PSAP: variants seen among roughly 807,000 people sequenced by gnomAD.
PSAP encodes the protein precursor of saposins.
Under a neutral mutation model 66.0 loss-of-function variants are expected in PSAP, and 25 were observed. That is an observed-to-expected ratio of 0.38 (90% confidence interval 0.28 to 0.53). PSAP has a LOEUF of 0.53. Ranked by LOEUF, PSAP falls within the 20% of genes least tolerant of loss-of-function variation. PSAP has a pLI of 0.83. For missense variants in PSAP, 649 were observed against 668.8 expected (o/e 0.97, Z 0.33); for synonymous variants, 273 against 258.9 (o/e 1.05, Z -0.52).
Position 71,851,032 on chromosome 10 carries a change from A to AGAAAGCCAGC in PSAP, c.40+140_40+149dup, listed in dbSNP as rs1223813468. ...CCCCCAGCCGCCCAGAGAAAGCCAGAGAAAGCCAGCGAACGCGCCTGCGCA... is the reference window on the plus strand; with the variant it reads ...CCCCCAGCCGCCCAGAGAAAGCCAGAGAAAGCCAGCGAAAGCCAGCGAACGCGCCTGCGCA... On this transcript the variant is annotated intron_variant, in intron 1 of 13. Coordinates refer to ENST00000394936, the MANE Select transcript of PSAP (RefSeq NM_002778.4). 23 of 916,936 alleles carry AGAAAGCCAGC rather than the reference A, an allele frequency of 2.5e-5. No homozygotes were observed. In the East Asian group the frequency reaches 5.3e-4, roughly 21 times the overall value. The allele number at this position is 916,936 out of a possible 1,614,324, so 56.8% of individuals were successfully genotyped here.
intron 1 of PSAP, among the ~76,000 whole-genome samples, chr10:71,836,257 T>G (rs1000894483): frequency 6.6e-6 from 1 of 151,998 alleles, no homozygotes; most frequent in Non-Finnish European, 1.5e-5. Context: ...CAGATGCAAA[T>G]CAGTACCAAG....
Position 71,819,748 on chromosome 10 carries a change from G to A in PSAP, c.1158C>T (p.His386=), listed in dbSNP as rs2133031525. The A allele has an allele frequency of 6.2e-7, 1 of 1,614,122 alleles. No individual in the cohort carries two copies. Among genetic ancestry groups the A allele is most frequent in the South Asian group, 1.1e-5 (1 of 91,090 alleles). The stretch of plus-strand genomic sequence containing the variant: ...CAGGCAGCCGCGTGCCAGAGCAGAG[G>A]TGCAGCATGCTGCACACCAGCTCAG... The part of the protein sequence containing the change: ...VSPELVCSML[H]LCSGTRLPAL... The change falls in exon 10 of 14, where the codon CAC becomes CAT. Residue 386 remains histidine, a synonymous_variant. Coordinates refer to ENST00000394936, the MANE Select transcript of PSAP (RefSeq NM_002778.4).
At chr10:71,828,689 A>G (rs1842446583) in intron 5 of PSAP, among the ~76,000 whole-genome samples, 188 bp downstream of exon 5, 1 of 152,192 alleles carries the variant, frequency 6.6e-6, no homozygotes, top group East Asian at 1.9e-4. Context: ...TAATCTTTGC[A>G]TATTTTAAAT....
chr10:71,818,538 G>A (rs1842222130), intron 13 of PSAP, 79 bp downstream of exon 13: 1 of 1,215,972 alleles, frequency 8.2e-7, no homozygotes, highest in African/African-American at 1.5e-5. Context: ...TGATCACTGG[G>A]TTCCCATTAA....
At chr10:71,819,412 T>C in intron 11 of PSAP, 53 bp downstream of exon 11, 1 of 1,606,548 alleles carries the variant, frequency 6.2e-7, no homozygotes, top group Middle Eastern at 1.8e-4. Flanking sequence ...AGCCTTGGCA[T>C]ACTTCATCAG....
intron 1 of PSAP, among the ~76,000 whole-genome samples, chr10:71,838,329 G>T (rs1357960971): frequency 6.6e-6 from 1 of 152,244 alleles, no homozygotes; most frequent in East Asian, 1.9e-4. Flanking sequence ...TGAGCAACGT[G>T]AGCTGCTCAG....
intron 3 of PSAP, among the ~76,000 whole-genome samples, 184 bp from the exon 4 acceptor site, chr10:71,831,435 T>C (rs1842514412): frequency 6.6e-6 from 1 of 152,130 alleles, no homozygotes; most frequent in South Asian, 2.1e-4. Context: ...AAAGCAGACA[T>C]GAGCATTCAA....
At chr10:71,822,100 C>A (rs1564816606) in intron 7 of PSAP, 93 bp from the exon 8 acceptor site, 3 of 1,585,330 alleles carry the variant, frequency 1.9e-6, no homozygotes, top group Non-Finnish European at 8.6e-7. Flanking sequence ...CTGGACAGCA[C>A]CCTGGGCCCA....
In PSAP at chr10:71,819,823, C is replaced by T. The variant is rs2133031749; in HGVS notation, c.1083G>A (p.Val361=). The change falls in exon 10 of 14, where the codon GTG becomes GTA. Residue 361 remains valine, a synonymous_variant. Transcript: ENST00000394936. ...KSLSEECQEV[V]DTYGSSILSI... ...ACAGGATGGAGCTGCCGTACGTGTC[C>T]ACCACCTCCTGGCACTCTTCCGACA... 2 of 1,614,128 alleles carry T rather than the reference C, an allele frequency of 1.2e-6. No homozygotes were observed. Among genetic ancestry groups the T allele is most frequent in the South Asian group, 2.2e-5 (2 of 91,084 alleles).
At chr10:71,832,240 A>C (rs1215009413) in intron 2 of PSAP, among the ~76,000 whole-genome samples, 3 of 152,198 alleles carry the variant, frequency 2.0e-5, no homozygotes, top group African/African-American at 7.2e-5. Context: ...CTCAGGTGAA[A>C]TCAGAGTCAC....
rs201060670 is a variant in PSAP, at chr10:71,819,948, G to C, written c.1006-48C>G. The C allele has an allele frequency of 6.6e-6, 10 of 1,505,830 alleles. No individual in the cohort carries two copies. In the East Asian group the frequency reaches 1.1e-4, roughly 17 times the overall value. The allele number at this position is 1,505,830 out of a possible 1,614,324, so 93.3% of individuals were successfully genotyped here. The stretch of plus-strand genomic sequence containing the variant: ...GTGAGAAGACGGGAGGCCGGACAAG[G>C]GTTGGGGGACATTCTGAAAATACTA... On this transcript the variant is annotated intron_variant, in intron 9 of 13. Coordinates refer to ENST00000394936, the MANE Select transcript of PSAP (RefSeq NM_002778.4).
intron 1 of PSAP, chr10:71,844,733 T>C (rs1842788920): frequency 6.6e-6 from 1 of 152,242 alleles, no homozygotes; most frequent in Non-Finnish European, 1.5e-5. Flanking sequence ...CATATTTTTG[T>C]AGGGGGCTTT....
intron 1 of PSAP, among the ~76,000 whole-genome samples, chr10:71,840,086 A>G (rs1269982498): frequency 6.6e-6 from 1 of 152,202 alleles, no homozygotes; most frequent in Non-Finnish European, 1.5e-5. Context: ...CTAGAATGTG[A>G]TAAAACAATC....
intron 4 of PSAP, among the ~76,000 whole-genome samples, chr10:71,829,483 C>A (rs961072830): frequency 6.6e-6 from 1 of 152,212 alleles, no homozygotes; most frequent in Non-Finnish European, 1.5e-5. Flanking sequence ...AGTTCCCCTG[C>A]ACATGCTCTC....
chr10:71,820,832 A>G (rs1032985863), intron 8 of PSAP, among the ~76,000 whole-genome samples: 1 of 152,180 alleles, frequency 6.6e-6, no homozygotes, highest in African/African-American at 2.4e-5. Context: ...ACCTTTAATA[A>G]GGCAATACTG....
intron 1 of PSAP, chr10:71,844,896 T>C (rs974293274): frequency 9.2e-5 from 14 of 152,218 alleles, no homozygotes; most frequent in African/African-American, 2.9e-4. Context: ...TTTTCTACCG[T>C]TGCAGTTACC....
At position 71,828,997 on chromosome 10, in the gene PSAP, C is replaced by T. The variant is rs1302474021; in HGVS notation, c.456G>A (p.Lys152=). The change falls in exon 5 of 14, where the codon AAG becomes AAA. Residue 152 remains lysine, a synonymous_variant. Coordinates refer to ENST00000394936, the MANE Select transcript of PSAP (RefSeq NM_002778.4). ...QKHLAELNHQ[K]QLESNKIPEL... ...CTGGGATCTTATTGGACTCCAGCTG[C>T]TTCTGGTGATTCAGCTCTGCTAGGT... 1.2e-6 allele frequency: 2 copies of T among 1,614,042 alleles called. No homozygotes were observed. The highest frequency in any genetic ancestry group is 2.2e-5 in the East Asian group (1 of 44,902).
chr10:71,851,189 C>T lies in PSAP; in HGVS notation c.33G>A (p.Leu11=). 2 of 1,551,110 alleles carry T rather than the reference C, an allele frequency of 1.3e-6. No homozygotes were observed. The highest frequency in any genetic ancestry group is 1.7e-6 in the Non-Finnish European group (2 of 1,146,836). The change falls in exon 1 of 14, where the codon CTG becomes CTA. Residue 11 remains leucine (L), a synonymous_variant. Coordinates refer to ENST00000394936, the MANE Select transcript of PSAP (RefSeq NM_002778.4). Reference sequence around the variant, plus strand: ...GAGGGTCCCAGGGCTTACCCGCGCCCAGGAGGCTGGCCAGGAGGAAGAGGG... The same window carrying T: ...GAGGGTCCCAGGGCTTACCCGCGCCTAGGAGGCTGGCCAGGAGGAAGAGGG... MYALFLLASL[L]GAALAGPVLG... is the part of the protein sequence containing the mutation.
chr10:71,828,506 G>A (rs1214213620), intron 5 of PSAP, among the ~76,000 whole-genome samples: 1 of 152,116 alleles, frequency 6.6e-6, no homozygotes. Context: ...TTAGCCAGGT[G>A]TGGTGGTGTG....
Sources: gnomAD v4.1 joint callset for allele counts (sites outside exome capture counted in the v4.1 genomes callset) on GRCh38, gnomAD v4.1.1 for gene constraint, MANE v1.5 for transcripts, NCBI Gene and HGNC (gene_info 2026-07-23, HGNC 2026-07-21) for gene names.